Variants in PFKFB1 observed in about 807,000 individuals in gnomAD.
PFKFB1 encodes 6-phosphofructo-2-kinase/fructose-2,6-biphosphatase 1, also known as 6-phosphofructo-2-kinase/fructose-2,6-bisphosphatase 1.
PFKFB1 carries 34 observed loss-of-function variants against 46.4 expected under a neutral mutation model. The observed-to-expected ratio is 0.73, with a 90% confidence interval of 0.56 to 0.98. The LOEUF (loss-of-function observed/expected upper bound fraction) is 0.98, where lower values mean the gene tolerates loss of function less well. Ranked by LOEUF, PFKFB1 falls within the 50% of genes least tolerant of loss-of-function variation. The pLI is 0.00. For missense variants in PFKFB1, 393 were observed against 376.3 expected, an observed-to-expected ratio of 1.04 and a Z score of -0.37; for synonymous variants, 119 against 133.8, an observed-to-expected ratio of 0.89 and a Z score of 0.76.
At chrX:54,963,861 A>G (rs765846473) in intron 1 of PFKFB1, among the ~76,000 whole-genome samples, 2 of 112,323 alleles carry the variant, frequency 1.8e-5, no homozygotes, top group African/African-American at 3.2e-5. Context: ...GCAGAACAGT[A>G]TAATAGCTGT....
At chrX:54,966,514 G>A (rs1367429449) in intron 1 of PFKFB1, among the ~76,000 whole-genome samples, 2 of 111,754 alleles carry the variant, frequency 1.8e-5, no homozygotes, top group Admixed American at 9.5e-5. Flanking sequence ...CGGAGAGTGG[G>A]GGAAATCCAT....
chrX:54,962,341 T>A (rs1405719152), intron 2 of PFKFB1, among the ~76,000 whole-genome samples: 2 of 111,971 alleles, frequency 1.8e-5, no homozygotes, highest in African/African-American at 6.5e-5. Flanking sequence ...TTCCTTGCCT[T>A]CCAGTTGGCA....
chrX:54,964,647 G>A (rs770370120), intron 1 of PFKFB1, among the ~76,000 whole-genome samples: 5 of 111,384 alleles, frequency 4.5e-5, no homozygotes, highest in South Asian at 3.8e-4. Flanking sequence ...CCCAAATAGC[G>A]AACATAGTAC....
At chrX:54,961,309 T>A (rs1292314581) in intron 2 of PFKFB1, among the ~76,000 whole-genome samples, 8 of 111,234 alleles carry the variant, frequency 7.2e-5, no homozygotes, top group African/African-American at 2.6e-4. Context: ...GAAATGGAGA[T>A]CTAGGGAGTA....
chrX:54,949,849 G>A (rs888673615), intron 8 of PFKFB1, among the ~76,000 whole-genome samples: 1 of 112,847 alleles, frequency 8.9e-6, no homozygotes, highest in South Asian at 3.7e-4. Context: ...GTATGGACTG[G>A]AAGTAGGGGT....
At chrX:54,992,584 C>T (rs1425109727) in intron 1 of PFKFB1, among the ~76,000 whole-genome samples, 1 of 112,245 alleles carries the variant, frequency 8.9e-6, no homozygotes, top group Non-Finnish European at 1.9e-5. Flanking sequence ...AGGAAAGTGA[C>T]ACTCCAAACA....
intron 1 of PFKFB1, among the ~76,000 whole-genome samples, chrX:54,970,502 A>C: frequency 1.9e-5 from 1 of 52,235 alleles, no homozygotes; most frequent in Admixed American, 2.8e-4. Flanking sequence ...CCACCCCACA[A>C]CAGGCCCCAG....
chrX:54,943,716 A>G (rs1216502497), intron 10 of PFKFB1, among the ~76,000 whole-genome samples: 1 of 110,840 alleles, frequency 9.0e-6, no homozygotes, highest in Admixed American at 9.6e-5. Context: ...GGGCCACTGC[A>G]CTCCAGCCTG....
rs1221591856 is a variant in PFKFB1, at chrX:54,943,095, TTTTCCAGAC to T, written c.1098+2335_1098+2343del. Among the ~76,000 whole-genome samples the T allele has an allele frequency of 2.7e-5, 3 of 110,772 alleles. No individual in the cohort carries two copies. The Admixed American group carries it at 2.9e-4, about 11-fold the overall frequency. On this transcript the variant is annotated intron_variant, in intron 10 of 13. Transcript: ENST00000375006. ...TTTTTAAAGATAAATTGTCTGAGAG[TTTTCCAGAC>T]TTGAAGAAGAATCCCAGTCCTCAGA...
At chrX:54,954,306 G>C (rs1934070497) in intron 7 of PFKFB1, among the ~76,000 whole-genome samples, 1 of 109,904 alleles carries the variant, frequency 9.1e-6, no homozygotes, top group Admixed American at 9.6e-5. Context: ...TTGAGGTCAG[G>C]AGTTCGAGAA....
At chrX:54,964,195 G>A (rs188001825) in intron 1 of PFKFB1, among the ~76,000 whole-genome samples, 1 of 109,992 alleles carries the variant, frequency 9.1e-6, no homozygotes, top group Non-Finnish European at 1.9e-5. Flanking sequence ...GCCCACTTGG[G>A]TTAGAACATA....
upstream of PFKFB1, among the ~76,000 whole-genome samples, chrX:54,996,824 T>C (rs771831889): frequency 8.9e-6 from 1 of 111,833 alleles, no homozygotes; most frequent in East Asian, 2.8e-4. Flanking sequence ...TTCCTCCTTC[T>C]ATTCCCAACA....
rs183328823 is a variant in PFKFB1, at chrX:54,933,533, G to C, written c.1357-71C>G. On this transcript the variant is annotated intron_variant, in intron 13 of 13. Coordinates refer to ENST00000375006, the MANE Select transcript of PFKFB1 (RefSeq NM_002625.4). ...GGCCCCAACCTCTCCCCTGCCTCTT[G>C]TCTTCATTGCCAGGCTCCCCTCTTT... 1.6e-4 allele frequency: 133 copies of C among 857,020 alleles called. No individual in the cohort carries two copies. The East Asian group carries it at 4.2e-3, about 27-fold the overall frequency. The allele number at this position is 857,020 out of a possible 1,213,427, so 70.6% of individuals were successfully genotyped here. A position where few individuals can be genotyped will look rare whatever the true frequency, so the allele number is the denominator to read the frequency against.
chrX:54,973,280 T>C (rs1028067971), intron 1 of PFKFB1, among the ~76,000 whole-genome samples: 1 of 111,591 alleles, frequency 9.0e-6, no homozygotes, highest in Non-Finnish European at 1.9e-5. Flanking sequence ...GTTGATCCTT[T>C]CAAAAAACCA....
chrX:54,934,948 A>G lies in PFKFB1; in HGVS notation c.1290T>C (p.Tyr430=), dbSNP rs1472352370. 1 of 1,201,358 alleles carries G rather than the reference A, an allele frequency of 8.3e-7. No homozygotes were observed. Among genetic ancestry groups the G allele is most frequent in the South Asian group, 1.8e-5 (1 of 56,415 alleles). ...HTVLKLTPVA[Y]GCKVESIYLN... is the part of the protein sequence containing the mutation. ...TTTGATCAGGGTGGGAGTACTTACC[A>G]TAAGCCACAGGAGTGAGTTTGAGCA... The change falls in exon 12 of 14, where the codon TAT becomes TAC. Residue 430 remains tyrosine, a splice_region_variant and synonymous_variant. Coordinates refer to ENST00000375006, the MANE Select transcript of PFKFB1 (RefSeq NM_002625.4).
intron 1 of PFKFB1, among the ~76,000 whole-genome samples, chrX:54,963,621 G>T (rs1170306158): frequency 1.8e-5 from 2 of 112,406 alleles, no homozygotes; most frequent in African/African-American, 6.5e-5. Context: ...TGCTTACCTG[G>T]TGCAGATACC....
Position 54,956,307 on chromosome X carries a change from G to C in PFKFB1, c.517-33C>G, listed in dbSNP as rs754166630. ...CAGGGAGAACAGAGGTATCAAGGGAGACATTGGGAGACAGATGGTTTTCTT... is the reference window on the plus strand; with the variant it reads ...CAGGGAGAACAGAGGTATCAAGGGACACATTGGGAGACAGATGGTTTTCTT... On this transcript the variant is annotated intron_variant, in intron 6 of 13. Coordinates refer to ENST00000375006, the MANE Select transcript of PFKFB1 (RefSeq NM_002625.4). The C allele has an allele frequency of 1.1e-5, 13 of 1,203,550 alleles. No individual in the cohort carries two copies. The Admixed American group carries it at 1.1e-4, about 10-fold the overall frequency.
chrX:54,989,615 G>A (rs1327596998), intron 1 of PFKFB1, among the ~76,000 whole-genome samples: 1 of 111,908 alleles, frequency 8.9e-6, no homozygotes, highest in African/African-American at 3.2e-5. Flanking sequence ...ACTGTAAAAC[G>A]CACATTCTTT....
chrX:54,973,720 T>A (rs966370966), intron 1 of PFKFB1, among the ~76,000 whole-genome samples: 5 of 111,495 alleles, frequency 4.5e-5, no homozygotes, highest in African/African-American at 1.6e-4. Flanking sequence ...TGTTATAATT[T>A]CTGTTCTTTT....
Sources: gnomAD v4.1 joint callset for allele counts (sites outside exome capture counted in the v4.1 genomes callset) on GRCh38, gnomAD v4.1.1 for gene constraint, MANE v1.5 for transcripts, NCBI Gene and HGNC (gene_info 2026-07-23, HGNC 2026-07-21) for gene names.